LRP1B: variants seen among roughly 807,000 people sequenced by gnomAD.
The protein encoded by LRP1B is LDL receptor related protein 1B.
In LRP1B, 217 loss-of-function variants were observed where a neutral mutation model predicts 556.6. That is an observed-to-expected ratio of 0.39 (90% CI 0.35 to 0.44). The LOEUF (loss-of-function observed/expected upper bound fraction) is 0.44, where lower values mean the gene tolerates loss of function less well. Ranked by LOEUF, LRP1B falls within the 20% of genes least tolerant of loss-of-function variation. LRP1B has a pLI of 1.00. For missense variants in LRP1B, 5,053 were observed against 5,620.8 expected, an observed-to-expected ratio of 0.90 and a Z score of 3.23; for synonymous variants, 2,047 against 1,865.8, an observed-to-expected ratio of 1.10 and a Z score of -2.50.
At chr2:141,215,275 C>T (rs907324139) in intron 6 of LRP1B, among the ~76,000 whole-genome samples, 3 of 152,218 alleles carry the variant, frequency 2.0e-5, no homozygotes, top group Admixed American at 6.5e-5. Flanking sequence ...GAAGCAGATG[C>T]TCGCATTATG....
Position 141,920,285 on chromosome 2 carries a change from G to A in LRP1B, c.83-109884C>T, listed in dbSNP as rs59127737. Among the ~76,000 whole-genome samples the A allele has an allele frequency of 9.3e-5, 12 of 129,252 alleles. 1 individual carries two copies. In the South Asian group the frequency reaches 3.0e-3, roughly 32 times the overall value. The allele number at this position is 129,252 out of a possible 152,430, so 84.8% of individuals were successfully genotyped here. A position where few individuals can be genotyped will look rare whatever the true frequency, so the allele number is the denominator to read the frequency against. ...TTTTTTTCTTCTTTTTTTTTGGGGG[G>A]GGGTGGTAGGGATAATCATTTATTT... On this transcript the variant is annotated intron_variant, in intron 1 of 90. Coordinates refer to ENST00000389484, the MANE Select transcript of LRP1B (RefSeq NM_018557.3).
chr2:140,818,818 T>C (rs1314536924), intron 31 of LRP1B, among the ~76,000 whole-genome samples: 1 of 151,982 alleles, frequency 6.6e-6, no homozygotes, highest in African/African-American at 2.4e-5. Flanking sequence ...ACGCCTGTAG[T>C]TGTAGCTACT....
intron 2 of LRP1B, among the ~76,000 whole-genome samples, chr2:141,485,581 C>A (rs1000243846): frequency 1.3e-5 from 2 of 152,034 alleles, no homozygotes; most frequent in Non-Finnish European, 2.9e-5. Context: ...AAAAGCCAGG[C>A]AATATAGATA....
intron 2 of LRP1B, among the ~76,000 whole-genome samples, chr2:141,510,235 C>CACACA (rs1553524080): frequency 5.6e-5 from 8 of 143,100 alleles, no homozygotes; most frequent in East Asian, 2.1e-4. Context: ...CACACACACA[C>CACACA]CCCCCACAGT....
At chr2:140,953,333 C>T (rs1026723042) in intron 18 of LRP1B, among the ~76,000 whole-genome samples, 3 of 152,192 alleles carry the variant, frequency 2.0e-5, no homozygotes, top group Non-Finnish European at 4.4e-5. Context: ...TTGTGATCCA[C>T]ATGCCTCAGT....
At chr2:140,325,334 T>C (rs1443361403) in intron 80 of LRP1B, among the ~76,000 whole-genome samples, 2 of 152,022 alleles carry the variant, frequency 1.3e-5, no homozygotes, top group East Asian at 3.9e-4. Context: ...TCACTGTTTA[T>C]GTGAATAAGG....
intron 1 of LRP1B, among the ~76,000 whole-genome samples, chr2:142,052,186 A>C (rs1704487067): frequency 6.6e-6 from 1 of 152,124 alleles, no homozygotes; most frequent in Admixed American, 6.6e-5. Flanking sequence ...TTAAAAAAAA[A>C]ACTCAAAAAC....
intron 32 of LRP1B, among the ~76,000 whole-genome samples, chr2:140,793,693 A>G (rs554222007): frequency 6.6e-6 from 1 of 152,194 alleles, no homozygotes; most frequent in East Asian, 1.9e-4. Context: ...AAAAACATGT[A>G]AAACCTCCAC....
At chr2:142,067,343 TA>T (rs375398354) in intron 1 of LRP1B, among the ~76,000 whole-genome samples, 18 of 150,538 alleles carry the variant, frequency 1.2e-4, no homozygotes, top group South Asian at 1.0e-3. Flanking sequence ...CATAGACAGA[TA>T]AAAAAAAAGT....
chr2:140,790,649 C>T (rs1356806906), intron 32 of LRP1B, among the ~76,000 whole-genome samples: 1 of 152,134 alleles, frequency 6.6e-6, no homozygotes, highest in African/African-American at 2.4e-5. Context: ...GGTAGTGAGG[C>T]CCGTCTGGAA....
intron 2 of LRP1B, among the ~76,000 whole-genome samples, chr2:141,518,626 C>T (rs544745428): frequency 6.6e-6 from 1 of 152,136 alleles, no homozygotes; most frequent in Admixed American, 6.6e-5. Flanking sequence ...AGAGCTATCA[C>T]TTCCAACGTG....
chr2:141,850,978 C>T (rs1697832850), intron 1 of LRP1B, among the ~76,000 whole-genome samples: 2 of 151,676 alleles, frequency 1.3e-5, no homozygotes, highest in Admixed American at 1.3e-4. Flanking sequence ...AAGCTGACAG[C>T]CTTCCCATAA....
chr2:140,795,136 C>CTATTA (rs1406804273), intron 32 of LRP1B, among the ~76,000 whole-genome samples: 1 of 152,148 alleles, frequency 6.6e-6, no homozygotes, highest in Non-Finnish European at 1.5e-5. Flanking sequence ...TACTATTATA[C>CTATTA]TAACTAAAGA....
intron 11 of LRP1B, among the ~76,000 whole-genome samples, chr2:141,041,872 T>C (rs1698712578): frequency 6.6e-6 from 1 of 152,094 alleles, no homozygotes; most frequent in Non-Finnish European, 1.5e-5. Context: ...ACAATTATTA[T>C]GTGTCAACAA....
intron 83 of LRP1B, among the ~76,000 whole-genome samples, chr2:140,305,647 T>C (rs562819961): frequency 2.8e-4 from 42 of 152,194 alleles, no homozygotes; most frequent in African/African-American, 1.0e-3. Flanking sequence ...CCTTTATTTC[T>C]TTCTCCTGCC....
chr2:140,560,229 C>A (rs1408020496), intron 43 of LRP1B, among the ~76,000 whole-genome samples: 2 of 152,046 alleles, frequency 1.3e-5, no homozygotes, highest in Non-Finnish European at 2.9e-5. Context: ...CAAGAGAAAG[C>A]AAGACTGGGG....
intron 27 of LRP1B, among the ~76,000 whole-genome samples, chr2:140,867,035 G>A (rs1192386162): frequency 1.3e-5 from 2 of 152,066 alleles, no homozygotes; most frequent in Admixed American, 6.6e-5. Flanking sequence ...ATAAAAGGAT[G>A]AGCTGACGTT....
chr2:140,852,062 T>C (rs1692476408), intron 27 of LRP1B, among the ~76,000 whole-genome samples: 2 of 152,198 alleles, frequency 1.3e-5, no homozygotes, highest in Admixed American at 6.5e-5. Flanking sequence ...ATGTGGTTGC[T>C]CACGCCTGTC....
At chr2:141,871,787 G>A (rs919126593) in intron 1 of LRP1B, among the ~76,000 whole-genome samples, 2 of 151,916 alleles carry the variant, frequency 1.3e-5, no homozygotes, top group Admixed American at 1.3e-4. Context: ...ACATAGATCT[G>A]AATCTCTCCA....
Sources: gnomAD v4.1 joint callset for allele counts (sites outside exome capture counted in the v4.1 genomes callset) on GRCh38, gnomAD v4.1.1 for gene constraint, MANE v1.5 for transcripts, NCBI Gene and HGNC (gene_info 2026-07-23, HGNC 2026-07-21) for gene names.